Variants in ROBO2 observed in about 807,000 individuals in gnomAD.
The protein encoded by ROBO2 is roundabout homolog 2.
A neutral mutation model predicts 160.8 loss-of-function variants in ROBO2; 53 were observed. The observed-to-expected ratio is 0.33, with a 90% CI of 0.26 to 0.41. The LOEUF (loss-of-function observed/expected upper bound fraction) is 0.41, where lower values mean the gene tolerates loss of function less well. Among genes scored for constraint, ROBO2 ranks in the 10% least tolerant of loss-of-function variants. The pLI is 1.00. For synonymous variants in ROBO2, 664 were observed against 611.7 expected (o/e 1.09, Z -1.26); for missense variants, 1,577 against 1,722.4 (o/e 0.92, Z 1.49).
intron 2 of ROBO2, among the ~76,000 whole-genome samples, chr3:76,784,405 C>T (rs531403476): frequency 6.6e-6 from 1 of 151,208 alleles, no homozygotes; most frequent in Non-Finnish European, 1.5e-5. Flanking sequence ...CCTGCAAAGC[C>T]AGGCTTGGTG....
chr3:76,643,259 A>G lies in ROBO2; in HGVS notation c.110-454755A>G, dbSNP rs185544740. On this transcript the variant is annotated intron_variant, in intron 2 of 26. Transcript: ENST00000487694. ...TTATAAGGTTAAGTAGGTTGTGTATAGCAATTCAGCCAAAAGAAGCAATCT... is the reference window on the plus strand; with the variant it reads ...TTATAAGGTTAAGTAGGTTGTGTATGGCAATTCAGCCAAAAGAAGCAATCT... 5.3e-5 allele frequency among the ~76,000 whole-genome samples: 8 copies of G among 152,324 alleles called. No individual in the cohort carries two copies. The East Asian group carries it at 1.5e-3, about 29-fold the overall frequency.
At chr3:77,106,840 T>C (rs2072872830) in intron 2 of ROBO2, among the ~76,000 whole-genome samples, 1 of 152,242 alleles carries the variant, frequency 6.6e-6, no homozygotes, top group Non-Finnish European at 1.5e-5. Flanking sequence ...ATTCATCCAC[T>C]TTTTGTCACT....
intron 6 of ROBO2, among the ~76,000 whole-genome samples, chr3:77,524,015 C>G (rs2090885778): frequency 6.6e-6 from 1 of 151,106 alleles, no homozygotes; most frequent in Admixed American, 6.6e-5. Context: ...GGATTTTTAC[C>G]AGGTTTATGA....
intron 2 of ROBO2, among the ~76,000 whole-genome samples, chr3:76,350,621 G>C (rs2074813667): frequency 6.6e-6 from 1 of 151,872 alleles, no homozygotes; most frequent in South Asian, 2.1e-4. Context: ...TAATGACTTG[G>C]AGACTGAGAG....
At chr3:76,290,814 G>A (rs1708764609) in intron 2 of ROBO2, among the ~76,000 whole-genome samples, 1 of 152,088 alleles carries the variant, frequency 6.6e-6, no homozygotes, top group Non-Finnish European at 1.5e-5. Context: ...GTTATGTGAT[G>A]CATCACATCT....
At chr3:76,628,907 A>C (rs1230713718) in intron 2 of ROBO2, among the ~76,000 whole-genome samples, 2 of 152,324 alleles carry the variant, frequency 1.3e-5, no homozygotes, top group Non-Finnish European at 2.9e-5. Context: ...ACATAATGTA[A>C]GTTGTTGAGT....
intron 2 of ROBO2, among the ~76,000 whole-genome samples, chr3:76,598,063 C>T (rs2086857597): frequency 6.6e-6 from 1 of 151,794 alleles, no homozygotes; most frequent in Admixed American, 6.6e-5. Flanking sequence ...GCTGTACATA[C>T]CTACCAGGAA....
Position 77,498,340 on chromosome 3 carries a change from C to T in ROBO2, c.806+4958C>T, listed in dbSNP as rs114849185. On this transcript the variant is annotated intron_variant, in intron 5 of 25. Transcript: ENST00000461745. The stretch of plus-strand genomic sequence containing the variant: ...CCATTTACATTTTTACGTATGCCTG[C>T]AAATTCTAAATGCAGTTGATGGCTT... Among the ~76,000 whole-genome samples, 899 of 152,200 alleles carry T rather than the reference C, an allele frequency of 5.9e-3. 14 individuals carry two copies. The highest frequency in any genetic ancestry group is 0.021 in the African/African-American group (853 of 41,528).
intron 2 of ROBO2, among the ~76,000 whole-genome samples, chr3:76,221,336 A>G (rs1327757423): frequency 1.3e-5 from 2 of 150,692 alleles, no homozygotes; most frequent in African/African-American, 2.4e-5. Flanking sequence ...ACAAGTGGGT[A>G]ACTCAGGGTG....
chr3:77,490,103 T>G (rs1041111887), intron 4 of ROBO2, among the ~76,000 whole-genome samples: 4 of 148,430 alleles, frequency 2.7e-5, no homozygotes, highest in Admixed American at 6.7e-5. Context: ...ATTTTACTTT[T>G]TTTTTTTTTT....
intron 5 of ROBO2, among the ~76,000 whole-genome samples, chr3:77,513,630 T>C (rs1301132011): frequency 2.0e-5 from 3 of 151,902 alleles, no homozygotes; most frequent in African/African-American, 7.2e-5. Flanking sequence ...TTTTAAGTAT[T>C]AAAATAAATT....
chr3:77,602,512 C>T (rs1332041164), intron 20 of ROBO2, 21 bp downstream of exon 21: 2 of 1,613,272 alleles, frequency 1.2e-6, no homozygotes. Context: ...TTCTTGTGTC[C>T]TGAGGAGGTA....
intron 2 of ROBO2, among the ~76,000 whole-genome samples, chr3:77,225,041 G>A (rs1347403742): frequency 6.6e-6 from 1 of 151,650 alleles, no homozygotes; most frequent in Non-Finnish European, 1.5e-5. Flanking sequence ...GAAAAAAGTA[G>A]CATAATGATT....
intron 2 of ROBO2, among the ~76,000 whole-genome samples, chr3:77,424,109 C>T (rs998840933): frequency 2.6e-5 from 4 of 152,016 alleles, no homozygotes; most frequent in Non-Finnish European, 5.9e-5. Context: ...GAGCAAAATA[C>T]TAAAAATCAT....
intron 2 of ROBO2, among the ~76,000 whole-genome samples, chr3:76,059,881 T>C (rs191042742): frequency 0.02 from 3,121 of 152,286 alleles, 43 homozygotes; most frequent in East Asian, 0.08. Flanking sequence ...TAGCCAGTTT[T>C]CCTAGCACCA....
intron 1 of ROBO2, among the ~76,000 whole-genome samples, chr3:77,095,466 C>CA (rs150917635): frequency 0.063 from 9,584 of 152,080 alleles, 982 homozygotes; most frequent in African/African-American, 0.22. Flanking sequence ...AGTTAGTGCA[C>CA]AAGTTGATAT....
chr3:76,740,780 A>T (rs2093788886), intron 2 of ROBO2, among the ~76,000 whole-genome samples: 1 of 152,144 alleles, frequency 6.6e-6, no homozygotes. Context: ...TGTAAATGAT[A>T]TGAGATTCCA....
At chr3:76,304,257 A>T (rs934688933) in intron 2 of ROBO2, among the ~76,000 whole-genome samples, 10 of 152,218 alleles carry the variant, frequency 6.6e-5, no homozygotes, top group African/African-American at 2.2e-4. Context: ...GCTAGAAAGG[A>T]TGTATACGAT....
At chr3:77,101,277 A>G (rs541220377) in intron 2 of ROBO2, among the ~76,000 whole-genome samples, 1 of 152,026 alleles carries the variant, frequency 6.6e-6, no homozygotes, top group Non-Finnish European at 1.5e-5. Context: ...TGAGAAGTAG[A>G]GGATGATTAC....
Sources: allele counts gnomAD v4.1 joint callset (sites outside exome capture counted in the v4.1 genomes callset), GRCh38; gene constraint gnomAD v4.1.1; transcripts MANE v1.5; gene names NCBI Gene and HGNC (gene_info 2026-07-23, HGNC 2026-07-21).